COL22A1: variants seen among roughly 807,000 people sequenced by gnomAD.
COL22A1 encodes the protein collagen alpha-1(XXII) chain.
COL22A1 carries 221 observed loss-of-function variants against 248.9 expected under a neutral mutation model. The observed-to-expected ratio is 0.89, with a 90% CI of 0.80 to 0.99. The LOEUF is 0.99. Among genes scored for constraint, COL22A1 ranks in the 50% least tolerant of loss-of-function variants. COL22A1 has a pLI of 0.00. For missense variants in COL22A1, 2,240 were observed against 2,179.0 expected, an observed-to-expected ratio of 1.03 and a Z score of -0.56; for synonymous variants, 891 against 793.4, an observed-to-expected ratio of 1.12 and a Z score of -2.07.
At chr8:138,734,407 A>G (rs970862675) in intron 23 of COL22A1, among the ~76,000 whole-genome samples, 2 of 152,238 alleles carry the variant, frequency 1.3e-5, no homozygotes, top group Non-Finnish European at 2.9e-5. Context: ...GAATAAATCC[A>G]TGAATGAATA....
chr8:138,853,047 G>A (rs1360933229), intron 3 of COL22A1, among the ~76,000 whole-genome samples: 1 of 152,058 alleles, frequency 6.6e-6, no homozygotes, highest in African/African-American at 2.4e-5. Context: ...GTGGTGATGT[G>A]TGCCTGTAGT....
At chr8:138,650,174 C>T (rs1187151968) in intron 45 of COL22A1, among the ~76,000 whole-genome samples, 1 of 152,064 alleles carries the variant, frequency 6.6e-6, no homozygotes, top group Non-Finnish European at 1.5e-5. Flanking sequence ...ATGCTCTGTC[C>T]CTGATGTTAG....
intron 52 of COL22A1, among the ~76,000 whole-genome samples, chr8:138,621,193 G>A (rs1819776424): frequency 6.6e-6 from 1 of 152,332 alleles, no homozygotes; most frequent in South Asian, 2.1e-4. Flanking sequence ...CCTCCTTGTG[G>A]AGCAGTTCCT....
rs1818417787 is a variant in COL22A1 at position 138,606,329 on chromosome 8, C to G, written c.4104+52G>C. The G allele has an allele frequency of 2.0e-6, 3 of 1,500,642 alleles. No individual in the cohort carries two copies. The Admixed American group carries it at 5.5e-5, about 27-fold the overall frequency. The allele number at this position is 1,500,642 out of a possible 1,614,324, so 93.0% of individuals were successfully genotyped here. ...TGGCAGGGAAGGTACTGCATGTGAACATCACTACCTGGAGCCAGGTATCTT... is the reference window on the plus strand; with the variant it reads ...TGGCAGGGAAGGTACTGCATGTGAAGATCACTACCTGGAGCCAGGTATCTT... On this transcript the variant is annotated intron_variant, in intron 58 of 64. Transcript: ENST00000303045.
At chr8:138,865,949 T>G (rs1822861474) in intron 3 of COL22A1, among the ~76,000 whole-genome samples, 1 of 151,082 alleles carries the variant, frequency 6.6e-6, no homozygotes. Flanking sequence ...TTGTGTATGT[T>G]TGTATGCCTG....
chr8:138,827,221 G>C (rs115317499), intron 5 of COL22A1: 1,874 of 174,424 alleles, frequency 0.011, 30 homozygotes, highest in African/African-American at 0.041. Context: ...GCCATGGTCT[G>C]AATGTTGCTG....
chr8:138,704,435 G>A (rs1828236931), intron 30 of COL22A1, among the ~76,000 whole-genome samples: 1 of 152,192 alleles, frequency 6.6e-6, no homozygotes, highest in Non-Finnish European at 1.5e-5. Context: ...GCTTCCAGAG[G>A]AAGGATCAGG....
intron 3 of COL22A1, among the ~76,000 whole-genome samples, chr8:138,866,501 C>T (rs976940955): frequency 4.6e-5 from 7 of 152,168 alleles, no homozygotes; most frequent in South Asian, 4.1e-4. Context: ...ATTTAATTGT[C>T]GCCACTCTAT....
intron 45 of COL22A1, among the ~76,000 whole-genome samples, chr8:138,652,735 G>GT (rs71316352): frequency 0.024 from 1,314 of 54,142 alleles, 307 homozygotes; most frequent in African/African-American, 0.067. Context: ...TCCTTTTCTG[G>GT]TTTTTTTTTT....
At chr8:138,816,825 G>A (rs1818721364) in intron 7 of COL22A1, among the ~76,000 whole-genome samples, 1 of 152,204 alleles carries the variant, frequency 6.6e-6, no homozygotes, top group African/African-American at 2.4e-5. Flanking sequence ...CTAAGAGGTA[G>A]AGATGTATTG....
chr8:138,659,524 C>CTGTCTAAGAGAT (rs1823597895), intron 44 of COL22A1, among the ~76,000 whole-genome samples: 4 of 152,230 alleles, frequency 2.6e-5, no homozygotes, highest in African/African-American at 9.6e-5. Context: ...GTCTTGGTTG[C>CTGTCTAAGAGAT]TGCTGTCTCT....
chr8:138,643,176 A>G (rs181297534), intron 47 of COL22A1, among the ~76,000 whole-genome samples: 1 of 152,222 alleles, frequency 6.6e-6, no homozygotes, highest in African/African-American at 2.4e-5. Context: ...CAGAAAGAGA[A>G]GGTCATGCCC....
chr8:138,588,980 G>A lies in COL22A1; in HGVS notation c.*273C>T, dbSNP rs555293846. ...CGAATCAAGTTTTCCCAACTTTAAAGGAGTGGAAAAGAACTCACAAAGCAT... is the reference window on the plus strand; with the variant it reads ...CGAATCAAGTTTTCCCAACTTTAAAAGAGTGGAAAAGAACTCACAAAGCAT... On this transcript the variant is annotated 3_prime_UTR_variant, in exon 65 of 65. Transcript: ENST00000303045. The A allele has an allele frequency of 3.4e-6, 1 of 296,188 alleles. No individual in the cohort carries two copies. The highest frequency in any genetic ancestry group is 6.1e-6 in the Non-Finnish European group (1 of 163,264). The allele number at this position is 296,188 out of a possible 1,614,324, so 18.3% of individuals were successfully genotyped here. A position where few individuals can be genotyped will look rare whatever the true frequency, so the allele number is the denominator to read the frequency against.
At chr8:138,796,306 C>T (rs1816519642) in intron 12 of COL22A1, among the ~76,000 whole-genome samples, 1 of 143,580 alleles carries the variant, frequency 7.0e-6, no homozygotes, top group East Asian at 2.1e-4. Context: ...ACAAATTCTT[C>T]TGATGTCCTT....
intron 16 of COL22A1, among the ~76,000 whole-genome samples, chr8:138,769,602 G>C (rs1167683928): frequency 6.6e-6 from 1 of 152,142 alleles, no homozygotes; most frequent in Non-Finnish European, 1.5e-5. Flanking sequence ...GGTGTCTCGG[G>C]ATGAGCCCTG....
chr8:138,785,254 G>T (rs766437341), intron 12 of COL22A1, among the ~76,000 whole-genome samples: 5 of 152,188 alleles, frequency 3.3e-5, no homozygotes, highest in Admixed American at 3.3e-4. Flanking sequence ...GCCAGGAGAC[G>T]GTGGTGAGCA....
chr8:138,673,349 A>T (rs1056598006), intron 41 of COL22A1, among the ~76,000 whole-genome samples: 1 of 151,828 alleles, frequency 6.6e-6, no homozygotes, highest in African/African-American at 2.4e-5. Flanking sequence ...AGCTGAGATT[A>T]CAGGCATGCG....
intron 21 of COL22A1, 139 bp from the exon 22 acceptor site, chr8:138,751,650 C>T (rs1832613070): frequency 3.8e-6 from 2 of 526,108 alleles, no homozygotes; most frequent in African/African-American, 3.9e-5. Context: ...ATTCGGAGGT[C>T]CCATTCTCTC....
At chr8:138,847,403 C>T (rs1236838566) in intron 3 of COL22A1, among the ~76,000 whole-genome samples, 1 of 152,208 alleles carries the variant, frequency 6.6e-6, no homozygotes, top group Non-Finnish European at 1.5e-5. Context: ...TTATCAGCCC[C>T]ATATCCATTT....
Sources: allele counts gnomAD v4.1 joint callset (sites outside exome capture counted in the v4.1 genomes callset), GRCh38; gene constraint gnomAD v4.1.1; transcripts MANE v1.5; gene names NCBI Gene and HGNC (gene_info 2026-07-23, HGNC 2026-07-21).